Variants in CTDP1 observed in about 807,000 individuals in gnomAD.
CTDP1 encodes the protein CTD phosphatase 1.
A neutral mutation model predicts 91.8 loss-of-function variants in CTDP1; 47 were observed. The observed-to-expected ratio is 0.51, with a 90% CI of 0.41 to 0.65. The LOEUF is 0.65. CTDP1 is among the 30% of genes least tolerant of loss of function. The probability of loss-of-function intolerance (pLI) is 0.00; values close to 1 mark genes in which losing one functional copy is unlikely to be tolerated. For missense variants in CTDP1, 1,272 were observed against 1,373.7 expected, an observed-to-expected ratio of 0.93 and a Z score of 1.17; for synonymous variants, 656 against 598.5, an observed-to-expected ratio of 1.10 and a Z score of -1.40.
chr18:79,752,317 A>C (rs78823483), intron 12 of CTDP1, among the ~76,000 whole-genome samples: 18 of 140,408 alleles, frequency 1.3e-4, no homozygotes, highest in Non-Finnish European at 2.2e-4. Flanking sequence ...AGGAAAGCCT[A>C]GTGGCACCGG....
intron 5 of CTDP1, among the ~76,000 whole-genome samples, chr18:79,705,650 C>A: frequency 6.6e-6 from 1 of 152,268 alleles, no homozygotes; most frequent in East Asian, 1.9e-4. Context: ...CGGCGACCGT[C>A]TGTCCCACAT....
At chr18:79,677,871 A>G (rs986437813), upstream of CTDP1, 3 of 152,214 alleles carry the variant, frequency 2.0e-5, no homozygotes, top group African/African-American at 7.2e-5. Context: ...CCCATGCTTT[A>G]GTTTTGTTAC....
rs145870152 is a variant in CTDP1 at position 79,717,922 on chromosome 18, G to A, written c.2323G>A (p.Asp775Asn). ...GCCTGGCCCCGAGGTTCGGATCTACGACTCCAACACGGGGAAGCTCATCAG... is the reference window on the plus strand; with the variant it reads ...GCCTGGCCCCGAGGTTCGGATCTACAACTCCAACACGGGGAAGCTCATCAG... The part of the protein sequence containing the change: ...AQPGPEVRIY[D>N]SNTGKLIRTG... Residue 775 changes from aspartate to asparagine, a missense_variant, in exon 10 of 13, where the codon GAC becomes AAC. Asp to Asn is a conservative substitution (Grantham distance 23). Around this residue, in one of 3 missense-constraint regions of CTDP1, gnomAD observed 881 missense variants for 911.6 expected, o/e 0.97. Coordinates refer to ENST00000613122, the MANE Select transcript of CTDP1 (RefSeq NM_004715.5). 3.9e-4 allele frequency: 624 copies of A among 1,613,514 alleles called. 2 individuals are homozygous for A. The highest frequency in any genetic ancestry group is 5.4e-4 in the South Asian group (49 of 91,082).
rs143177926 is a variant in CTDP1, at chr18:79,715,368, C to T, written c.1908C>T (p.Asp636=). ...VPELKSKVLA[D]VAIIFSGLHP... Reference sequence around the variant, plus strand: ...AGCTCAAGAGCAAGGTGCTGGCAGACGTGGCCATAATTTTCAGTGGGCTAC... The same window carrying T: ...AGCTCAAGAGCAAGGTGCTGGCAGATGTGGCCATAATTTTCAGTGGGCTAC... The change falls in exon 8 of 13, where the codon GAC becomes GAT. Residue 636 remains aspartate, a synonymous_variant. Transcript: ENST00000613122. The T allele has an allele frequency of 9.3e-4, 1,499 of 1,608,300 alleles. 19 individuals are homozygous for T. In the African/African-American group the frequency reaches 0.018, roughly 20 times the overall value.
chr18:79,714,388 G>A, intron 7 of CTDP1, 103 bp from the exon 8 acceptor site: 2 of 1,333,954 alleles, frequency 1.5e-6, no homozygotes, highest in South Asian at 2.4e-5. Flanking sequence ...TCTAGAGGGT[G>A]GTGGACTTCA....
intron 2 of CTDP1, 50 bp downstream of exon 2, chr18:79,695,358 G>A (rs780265323): frequency 2.5e-5 from 38 of 1,549,640 alleles, no homozygotes; most frequent in Non-Finnish European, 3.4e-5. Flanking sequence ...TCGAGGTGGT[G>A]GCCTCCGGGG....
chr18:79,702,754 C>T (rs1385948441), intron 4 of CTDP1: 1 of 152,224 alleles, frequency 6.6e-6, no homozygotes, highest in Non-Finnish European at 1.5e-5. Flanking sequence ...GTTTAATAAG[C>T]TGCAGTAGAG....
intron 1 of CTDP1, among the ~76,000 whole-genome samples, chr18:79,687,917 C>T (rs1268332613): frequency 2.6e-5 from 4 of 152,172 alleles, no homozygotes; most frequent in African/African-American, 9.7e-5. Context: ...TTGAGACGTG[C>T]TGGGAACTGG....
upstream of CTDP1, chr18:79,679,544 G>GC (rs1204800496): frequency 2.2e-6 from 1 of 460,746 alleles, no homozygotes; most frequent in Non-Finnish European, 4.3e-6. Flanking sequence ...TGTCCGCGGT[G>GC]CACGCCGGGA....
At chr18:79,706,765 G>A (rs926585799) in intron 5 of CTDP1, among the ~76,000 whole-genome samples, 9 of 152,242 alleles carry the variant, frequency 5.9e-5, no homozygotes, top group African/African-American at 2.2e-4. Context: ...CGGTGAGGGA[G>A]TGGTTCCTGA....
At position 79,680,073 on chromosome 18, in the gene CTDP1, C is replaced by A. The variant is rs2085325015; in HGVS notation, c.126C>A (p.Ala42=). ...AGTGGAGGGTGGCGGCGGGCGCGGC[C>A]GTGCGCATCGGCTCGGTGCTGGCCG... is the stretch of plus-strand genomic sequence containing the variant. The part of the protein sequence containing the change: ...LLEWRVAAGA[A]VRIGSVLAVF... The change falls in exon 1 of 13, where the codon GCC becomes GCA. Residue 42 remains alanine (A), a synonymous_variant. Transcript: ENST00000613122. The A allele has an allele frequency of 9.5e-6, 12 of 1,265,884 alleles. No homozygotes were observed. Among genetic ancestry groups the A allele is most frequent in the Non-Finnish European group, 1.2e-5 (12 of 1,009,186 alleles). The allele number at this position is 1,265,884 out of a possible 1,614,324, so 78.4% of individuals were successfully genotyped here.
chr18:79,690,075 A>C (rs1489914494), intron 1 of CTDP1, among the ~76,000 whole-genome samples: 1 of 152,072 alleles, frequency 6.6e-6, no homozygotes, highest in Non-Finnish European at 1.5e-5. Flanking sequence ...AGGTGCAAAA[A>C]ATACACTCTT....
At chr18:79,720,760 T>G (rs2086328485) in intron 10 of CTDP1, among the ~76,000 whole-genome samples, 1 of 152,072 alleles carries the variant, frequency 6.6e-6, no homozygotes, top group Non-Finnish European at 1.5e-5. Context: ...TAAAGTTCAG[T>G]TTGTTTCTGA....
chr18:79,699,395 G>T (rs2122519504), intron 4 of CTDP1, among the ~76,000 whole-genome samples: 1 of 151,996 alleles, frequency 6.6e-6, no homozygotes, highest in South Asian at 2.1e-4. Context: ...CAAGTAGCTG[G>T]GACTACAGGT....
At chr18:79,717,323 CGGGTGAGGGCCCTGGTGGGGTACAGCT>C (rs1313073005) in intron 8 of CTDP1, among the ~76,000 whole-genome samples, 185 bp from the exon 9 acceptor site, 7 of 144,358 alleles carry the variant, frequency 4.8e-5, no homozygotes, top group Admixed American at 1.4e-4. Flanking sequence ...GGGGTGCAGC[CGGGTGAGGGCCCTGGTGGGGTACAGCT>C]GGGTGAGGGC....
intron 1 of CTDP1, among the ~76,000 whole-genome samples, chr18:79,693,892 C>T (rs557275464): frequency 4.3e-4 from 63 of 147,880 alleles, no homozygotes; most frequent in African/African-American, 1.6e-3. Flanking sequence ...CCCGCCCCTC[C>T]GCTCCCCTGC....
chr18:79,690,685 CACAG>C (rs1223032255), intron 1 of CTDP1, among the ~76,000 whole-genome samples: 1 of 152,216 alleles, frequency 6.6e-6, no homozygotes, highest in Non-Finnish European at 1.5e-5. Flanking sequence ...CCTTTGCACA[CACAG>C]ACATTCTGAG....
At chr18:79,737,132 G>T (rs2086686377) in intron 12 of CTDP1, among the ~76,000 whole-genome samples, 1 of 152,252 alleles carries the variant, frequency 6.6e-6, no homozygotes, top group African/African-American at 2.4e-5. Flanking sequence ...CCTTCGCCAT[G>T]AATGAGGCCT....
At position 79,717,428 on chromosome 18, in the gene CTDP1, C is replaced by T. The variant is rs755615389; in HGVS notation, c.2069-107C>T. ...GATGCAGCCGAGTGAGGGCCCTGAG[C>T]CCTGGTGGGGTACAGCCAGGTGAGG... On this transcript the variant is annotated intron_variant, in intron 8 of 12. Transcript: ENST00000613122. The T allele has an allele frequency of 9.2e-6, 14 of 1,518,736 alleles. 1 individual carries two copies. The highest frequency in any genetic ancestry group is 1.2e-5 in the Non-Finnish European group (13 of 1,113,750). 94.1% of individuals were successfully genotyped at this position (1,518,736 alleles called of 1,614,324 possible).
Sources: allele counts gnomAD v4.1 joint callset (sites outside exome capture counted in the v4.1 genomes callset), GRCh38; gene constraint gnomAD v4.1.1; regional missense constraint gnomAD v4.1.1; transcripts MANE v1.5; gene names NCBI Gene and HGNC (gene_info 2026-07-23, HGNC 2026-07-21).